The following GMDS variants were observed in gnomAD, a reference collection of about 807,000 sequenced individuals.
The protein encoded by GMDS is GDP-mannose 4,6 dehydratase.
GMDS carries 20 observed loss-of-function variants against 49.9 expected under a neutral mutation model. That is an observed-to-expected ratio of 0.40 (90% CI 0.28 to 0.58). GMDS has a LOEUF of 0.58. Ranked by LOEUF, GMDS falls within the 20% of genes least tolerant of loss-of-function variation. The pLI is 0.42. For synonymous variants in GMDS, 177 were observed against 178.6 expected (o/e 0.99, Z 0.07); for missense variants, 362 against 481.4 (o/e 0.75, Z 2.32).
intron 1 of GMDS, among the ~76,000 whole-genome samples, chr6:2,133,909 C>T (rs757435563): frequency 5.3e-5 from 8 of 152,152 alleles, no homozygotes; most frequent in Non-Finnish European, 1.2e-4. Flanking sequence ...GTTGATTTCA[C>T]CGGGGTGTGG....
intron 9 of GMDS, among the ~76,000 whole-genome samples, chr6:1,700,766 G>A (rs754782337): frequency 1.1e-4 from 16 of 151,954 alleles, no homozygotes; most frequent in Non-Finnish European, 1.9e-4. Context: ...GTCCCTCCTC[G>A]GGCCCAGCAC....
At chr6:1,759,199 G>A (rs1419068990) in intron 7 of GMDS, among the ~76,000 whole-genome samples, 2 of 152,198 alleles carry the variant, frequency 1.3e-5, no homozygotes, top group Non-Finnish European at 1.5e-5. Context: ...CCCATAAATA[G>A]CATGGGGAAG....
At chr6:2,122,503 T>C (rs1438985119) in intron 2 of GMDS, among the ~76,000 whole-genome samples, 2 of 151,996 alleles carry the variant, frequency 1.3e-5, no homozygotes, top group Non-Finnish European at 2.9e-5. Flanking sequence ...CTTTTACTCA[T>C]GGCCTTCAAT....
intron 7 of GMDS, among the ~76,000 whole-genome samples, chr6:1,907,952 G>T (rs185046247): frequency 6.6e-6 from 1 of 152,076 alleles, no homozygotes; most frequent in East Asian, 1.9e-4. Flanking sequence ...ACGATAAATC[G>T]TTTAAAAATT....
chr6:1,735,191 G>A (rs1292475877), intron 8 of GMDS, among the ~76,000 whole-genome samples: 2 of 150,428 alleles, frequency 1.3e-5, no homozygotes, highest in African/African-American at 4.9e-5. Flanking sequence ...CACTGTTCTG[G>A]GCCATCTGCA....
chr6:2,018,398 A>T (rs1359954587), intron 4 of GMDS, among the ~76,000 whole-genome samples: 4 of 152,190 alleles, frequency 2.6e-5, no homozygotes, highest in African/African-American at 4.8e-5. Context: ...TCAGTAATAC[A>T]CTGATGGTTG....
intron 7 of GMDS, among the ~76,000 whole-genome samples, chr6:1,905,030 A>C (rs1760687320): frequency 6.6e-6 from 1 of 152,248 alleles, no homozygotes; most frequent in Non-Finnish European, 1.5e-5. Flanking sequence ...AGCATGGCCC[A>C]AGCAAGTAAG....
At chr6:1,676,075 G>T (rs530857124) in intron 9 of GMDS, among the ~76,000 whole-genome samples, 29 of 152,220 alleles carry the variant, frequency 1.9e-4, no homozygotes, top group African/African-American at 6.5e-4. Context: ...ATAAGCAACT[G>T]CAGCAAAGTC....
chr6:1,962,566 C>CT (rs551028622), intron 4 of GMDS, among the ~76,000 whole-genome samples: 46 of 152,260 alleles, frequency 3.0e-4, no homozygotes, highest in East Asian at 2.9e-3. Context: ...TTGCTGTGGT[C>CT]TTTTTTGTTA....
chr6:1,888,436 T>A (rs1759718080), intron 7 of GMDS, among the ~76,000 whole-genome samples: 1 of 152,078 alleles, frequency 6.6e-6, no homozygotes, highest in Non-Finnish European at 1.5e-5. Context: ...TCAGATCTCG[T>A]GAGAACTCAC....
chr6:2,171,488 C>T (rs1778004442), intron 1 of GMDS, among the ~76,000 whole-genome samples: 1 of 152,090 alleles, frequency 6.6e-6, no homozygotes, highest in Non-Finnish European at 1.5e-5. Flanking sequence ...TGATTAGATG[C>T]AATTAACTGA....
At chr6:1,968,910 G>A (rs1279594068) in intron 4 of GMDS, among the ~76,000 whole-genome samples, 2 of 151,860 alleles carry the variant, frequency 1.3e-5, no homozygotes, top group South Asian at 2.1e-4. Flanking sequence ...TCATACAGAG[G>A]TAAAAATATA....
At chr6:1,737,542 CCA>C (rs1213540754) in intron 8 of GMDS, among the ~76,000 whole-genome samples, 6 of 149,710 alleles carry the variant, frequency 4.0e-5, no homozygotes, top group East Asian at 3.9e-4. Flanking sequence ...CACATACACA[CCA>C]CACACACAGA....
intron 1 of GMDS, among the ~76,000 whole-genome samples, chr6:2,226,890 C>T (rs1376630688): frequency 6.6e-6 from 1 of 152,176 alleles, no homozygotes; most frequent in East Asian, 1.9e-4. Flanking sequence ...CGTACTCAAT[C>T]AGTACTTGAT....
At chr6:1,888,435 G>A (rs371522294) in intron 7 of GMDS, among the ~76,000 whole-genome samples, 6 of 152,088 alleles carry the variant, frequency 3.9e-5, no homozygotes, top group Admixed American at 6.6e-5. Flanking sequence ...ATCAGATCTC[G>A]TGAGAACTCA....
chr6:1,813,110 T>A (rs1300077449), intron 7 of GMDS, among the ~76,000 whole-genome samples: 2 of 150,760 alleles, frequency 1.3e-5, no homozygotes, highest in African/African-American at 2.4e-5. Context: ...CAGTCCCAGC[T>A]ACTCAGGAGG....
intron 1 of GMDS, among the ~76,000 whole-genome samples, chr6:2,133,447 A>T (rs1231510428): frequency 6.6e-6 from 1 of 152,226 alleles, no homozygotes; most frequent in Non-Finnish European, 1.5e-5. Context: ...CTGCTACTGA[A>T]ATACTGCTGT....
intron 7 of GMDS, among the ~76,000 whole-genome samples, chr6:1,849,772 C>A (rs1189961766): frequency 6.6e-6 from 1 of 152,002 alleles, no homozygotes; most frequent in Non-Finnish European, 1.5e-5. Flanking sequence ...CTCGACAGAA[C>A]AGACCGAAGC....
At chr6:1,969,261 C>CAAAAAAAAAA (rs761741871) in intron 4 of GMDS, among the ~76,000 whole-genome samples, 11 of 14,016 alleles carry the variant, frequency 7.8e-4, no homozygotes, top group Middle Eastern at 0.071. Context: ...GGCTCCATCT[C>CAAAAAAAAAA]AAAAAAAAAA....
Sources: allele counts gnomAD v4.1 joint callset (sites outside exome capture counted in the v4.1 genomes callset), GRCh38; gene constraint gnomAD v4.1.1; transcripts MANE v1.5; gene names NCBI Gene and HGNC (gene_info 2026-07-23, HGNC 2026-07-21).